Variants in UACA observed in about 807,000 individuals in gnomAD.
UACA encodes the protein nuclear membrane binding protein.
A neutral mutation model predicts 160.5 loss-of-function variants in UACA; 112 were observed. That is an observed-to-expected ratio of 0.70 (90% CI 0.60 to 0.82). The LOEUF (loss-of-function observed/expected upper bound fraction) is 0.82, where lower values mean the gene tolerates loss of function less well. Ranked by LOEUF, UACA falls within the 40% of genes least tolerant of loss-of-function variation. The pLI, the probability that UACA is intolerant of heterozygous loss-of-function variation, is 0.00. For missense variants in UACA, 1,574 were observed against 1,614.6 expected (o/e 0.97, Z 0.43); for synonymous variants, 557 against 568.4 (o/e 0.98, Z 0.29).
At chr15:70,748,445 G>A (rs903606568) in intron 1 of UACA, among the ~76,000 whole-genome samples, 1 of 152,198 alleles carries the variant, frequency 6.6e-6, no homozygotes, top group Non-Finnish European at 1.5e-5. Context: ...AGATGCAGCA[G>A]TGAAGCCTGG....
chr15:70,713,651 G>A (rs1452029854), intron 1 of UACA, among the ~76,000 whole-genome samples: 3 of 152,146 alleles, frequency 2.0e-5, no homozygotes, highest in Non-Finnish European at 4.4e-5. Context: ...TAAGGCAACT[G>A]TAGTTTCATG....
intron 2 of UACA, among the ~76,000 whole-genome samples, chr15:70,697,776 CACAGTGGCT>C (rs1310647802): frequency 6.6e-6 from 1 of 152,178 alleles, no homozygotes. Flanking sequence ...CTTGGCCGGG[CACAGTGGCT>C]CACGCCTGTA....
rs766938380 is a variant in UACA, at chr15:70,668,519, A to G, written c.2165T>C (p.Val722Ala). 2 of 1,610,118 alleles carry G rather than the reference A, an allele frequency of 1.2e-6. No homozygotes were observed. The highest frequency in any genetic ancestry group is 1.7e-6 in the Non-Finnish European group (2 of 1,179,318). The change falls in exon 16 of 19, where the codon GTT becomes GCT. Residue 722 changes from valine (V) to alanine (A), a missense_variant. Physicochemically the swap from Val to Ala is moderately conservative, Grantham distance 64. Coordinates refer to ENST00000322954, the MANE Select transcript of UACA (RefSeq NM_018003.4). ...NQTLQKEIEKVYLDNKLLKEQ... is the reference protein window; with the variant it reads ...NQTLQKEIEKAYLDNKLLKEQ... ...CTTGAGGAGCTTATTATCCAAATAA[A>G]CTTTTTCAATTTCCTTTTGTAGTGT...
At chr15:70,658,518 C>T (rs1896563597) in intron 18 of UACA, among the ~76,000 whole-genome samples, 1 of 152,156 alleles carries the variant, frequency 6.6e-6, no homozygotes, top group Admixed American at 6.5e-5. Flanking sequence ...ATTGCCAGTC[C>T]CACAGGTGAA....
chr15:70,671,953 T>A lies in UACA; in HGVS notation c.1168+12A>T. 1 of 1,594,288 alleles carries A rather than the reference T, an allele frequency of 6.3e-7. No individual in the cohort carries two copies. Among genetic ancestry groups the A allele is most frequent in the Non-Finnish European group, 8.5e-7 (1 of 1,169,718 alleles). ...GGTGAACTGTAATGATAATCCATAC[T>A]TTTATACTTACGGTTACTGAAATGA... On this transcript the variant is annotated intron_variant, in intron 14 of 18. Transcript: ENST00000322954.
intron 5 of UACA, among the ~76,000 whole-genome samples, chr15:70,689,433 T>C (rs1325156522): frequency 6.6e-6 from 1 of 152,124 alleles, no homozygotes; most frequent in African/African-American, 2.4e-5. Flanking sequence ...ACAGGGGTCA[T>C]TGTGAGGCTC....
intron 1 of UACA, among the ~76,000 whole-genome samples, chr15:70,712,947 C>T (rs1218047844): frequency 3.3e-5 from 5 of 152,172 alleles, no homozygotes; most frequent in Non-Finnish European, 7.4e-5. Flanking sequence ...GCATCTACTA[C>T]TGTCAGGCAT....
chr15:70,714,906 T>G (rs961851678), intron 1 of UACA, among the ~76,000 whole-genome samples: 4 of 152,256 alleles, frequency 2.6e-5, no homozygotes, highest in Non-Finnish European at 5.9e-5. Context: ...TGTACTGTAA[T>G]ATTACTTATT....
At chr15:70,774,924 A>T in the UACA span, among the ~76,000 whole-genome samples, 7 of 151,944 alleles carry the variant, frequency 4.6e-5, no homozygotes, top group Non-Finnish European at 1.0e-4. Context: ...GCATAGTAGC[A>T]CACACCTGTA....
chr15:70,683,202 A>T (rs1159245666), intron 8 of UACA, among the ~76,000 whole-genome samples: 1 of 151,996 alleles, frequency 6.6e-6, no homozygotes, highest in Non-Finnish European at 1.5e-5. Context: ...CAAAAAAAAT[A>T]TAAAAAATTA....
intron 1 of UACA, among the ~76,000 whole-genome samples, 171 bp downstream of exon 1, chr15:70,763,159 C>T (rs1053695093): frequency 6.6e-6 from 1 of 152,120 alleles, no homozygotes; most frequent in East Asian, 1.9e-4. Flanking sequence ...GGGAGGATCC[C>T]CGGGGTCTCT....
chr15:70,755,649 G>A (rs1354094376), intron 1 of UACA, among the ~76,000 whole-genome samples: 2 of 150,336 alleles, frequency 1.3e-5, no homozygotes, highest in Non-Finnish European at 2.9e-5. Flanking sequence ...CAGCCTGAGC[G>A]ACAAGAGGGA....
intron 1 of UACA, among the ~76,000 whole-genome samples, chr15:70,753,892 G>A (rs1433800778): frequency 3.3e-5 from 5 of 152,096 alleles, no homozygotes; most frequent in Admixed American, 2.0e-4. Flanking sequence ...TGCAAATTCC[G>A]CCTCCCAGGT....
intron 1 of UACA, among the ~76,000 whole-genome samples, chr15:70,709,538 G>C (rs1209336048): frequency 6.6e-6 from 1 of 152,094 alleles, no homozygotes; most frequent in Non-Finnish European, 1.5e-5. Flanking sequence ...AGTGTAGAAA[G>C]CCTAGAATAC....
chr15:70,657,690 C>G (rs145930526), intron 18 of UACA, among the ~76,000 whole-genome samples: 1 of 152,058 alleles, frequency 6.6e-6, no homozygotes, highest in Non-Finnish European at 1.5e-5. Context: ...TAATAACAGC[C>G]TTGGATGATA....
intron 1 of UACA, chr15:70,702,353 G>A: frequency 3.1e-6 from 3 of 982,066 alleles, no homozygotes; most frequent in Non-Finnish European, 3.6e-6. Context: ...CGTGGAGCCT[G>A]TCTCCCATTG....
intron 1 of UACA, among the ~76,000 whole-genome samples, chr15:70,738,681 C>T (rs187923402): frequency 6.6e-6 from 1 of 152,198 alleles, no homozygotes; most frequent in African/African-American, 2.4e-5. Flanking sequence ...CATGCTATTC[C>T]CTCTATCTGG....
intron 1 of UACA, among the ~76,000 whole-genome samples, chr15:70,755,938 T>C (rs2030398914): frequency 6.6e-6 from 1 of 152,136 alleles, no homozygotes; most frequent in African/African-American, 2.4e-5. Context: ...GCTCACACTC[T>C]ACCTTTCAAC....
chr15:70,659,398 T>TG (rs1212739813), intron 18 of UACA, among the ~76,000 whole-genome samples: 4 of 114,884 alleles, frequency 3.5e-5, no homozygotes, highest in Admixed American at 8.7e-5. Flanking sequence ...TTTGTTTGTT[T>TG]TTTTTTTTTT....
Sources: gnomAD v4.1 joint callset for allele counts (sites outside exome capture counted in the v4.1 genomes callset) on GRCh38, gnomAD v4.1.1 for gene constraint, MANE v1.5 for transcripts, NCBI Gene and HGNC (gene_info 2026-07-23, HGNC 2026-07-21) for gene names.